Variants in SIPA1L1 observed in about 807,000 individuals in gnomAD.
SIPA1L1 encodes signal-induced proliferation-associated 1-like protein 1.
A neutral mutation model predicts 162.7 loss-of-function variants in SIPA1L1; 26 were observed. That is an observed-to-expected ratio of 0.16 (90% CI 0.12 to 0.22). SIPA1L1 has a LOEUF of 0.22. SIPA1L1 is among the 10% of genes least tolerant of loss of function. The pLI is 1.00. For synonymous variants in SIPA1L1, 829 were observed against 837.4 expected, an observed-to-expected ratio of 0.99 and a Z score of 0.17; for missense variants, 1,874 against 2,241.0, an observed-to-expected ratio of 0.84 and a Z score of 3.31.
chr14:71,438,919 G>A (rs1208870090), intron 2 of SIPA1L1, among the ~76,000 whole-genome samples: 1 of 152,176 alleles, frequency 6.6e-6, no homozygotes, highest in East Asian at 1.9e-4. Flanking sequence ...GCTGCTGGCA[G>A]TGAGAGAAGG....
chr14:71,591,778 CAT>C (rs1386282203), intron 5 of SIPA1L1, among the ~76,000 whole-genome samples: 1 of 152,086 alleles, frequency 6.6e-6, no homozygotes, highest in Non-Finnish European at 1.5e-5. Flanking sequence ...AGAATAAAAA[CAT>C]AGAGACTAAC....
intron 5 of SIPA1L1, chr14:71,598,210 C>G (rs575081402): frequency 1.0e-6 from 1 of 985,348 alleles, no homozygotes; most frequent in Non-Finnish European, 1.2e-6. Context: ...GCACAAAACG[C>G]CATCACAGAG....
intron 2 of SIPA1L1, among the ~76,000 whole-genome samples, chr14:71,510,125 A>G (rs1317122697): frequency 6.7e-6 from 1 of 150,100 alleles, no homozygotes; most frequent in Non-Finnish European, 1.5e-5. Context: ...TTCTCTTTAT[A>G]CAGCTTGCTT....
intron 5 of SIPA1L1, among the ~76,000 whole-genome samples, chr14:71,606,535 G>T (rs1361344390): frequency 6.6e-6 from 1 of 152,138 alleles, no homozygotes; most frequent in Non-Finnish European, 1.5e-5. Flanking sequence ...GGGTATGTTG[G>T]ACCAATTGTG....
At chr14:71,513,056 C>T (rs1343192611) in intron 3 of SIPA1L1, among the ~76,000 whole-genome samples, 3 of 152,192 alleles carry the variant, frequency 2.0e-5, no homozygotes, top group Non-Finnish European at 2.9e-5. Flanking sequence ...CTCGTGTCTC[C>T]CTAAAACTAA....
At chr14:71,703,444 CAG>C (rs770193360) in intron 15 of SIPA1L1, among the ~76,000 whole-genome samples, 15 of 152,154 alleles carry the variant, frequency 9.9e-5, no homozygotes, top group East Asian at 7.7e-4. Flanking sequence ...TCCACTAAGA[CAG>C]GGGTTGAGGA....
chr14:71,689,053 A>G (rs1057095658), intron 13 of SIPA1L1, among the ~76,000 whole-genome samples: 1 of 152,226 alleles, frequency 6.6e-6, no homozygotes, highest in African/African-American at 2.4e-5. Flanking sequence ...TTGTAGAAGC[A>G]TAGTTTTTCT....
chr14:71,533,626 G>A (rs2053639058), intron 4 of SIPA1L1, among the ~76,000 whole-genome samples: 1 of 152,206 alleles, frequency 6.6e-6, no homozygotes, highest in Non-Finnish European at 1.5e-5. Context: ...CTGCCATTTT[G>A]TGTCTGCGGT....
At chr14:71,596,735 TAA>T (rs1446986328) in intron 5 of SIPA1L1, among the ~76,000 whole-genome samples, 1 of 152,192 alleles carries the variant, frequency 6.6e-6, no homozygotes, top group African/African-American at 2.4e-5. Flanking sequence ...AGACGTTTTT[TAA>T]AAAGTCTTCT....
chr14:71,589,529 C>G (rs1433309188), intron 5 of SIPA1L1, among the ~76,000 whole-genome samples, 159 bp downstream of exon 5: 2 of 152,060 alleles, frequency 1.3e-5, no homozygotes, highest in East Asian at 3.9e-4. Context: ...CAATTTATTT[C>G]TTTTTGCATT....
intron 2 of SIPA1L1, chr14:71,418,046 C>T (rs2140484281): frequency 6.6e-6 from 1 of 152,304 alleles, no homozygotes; most frequent in African/African-American, 2.4e-5. Flanking sequence ...CTGACTCTTT[C>T]GTATTTACTA....
chr14:71,518,966 T>C (rs2052018942), intron 3 of SIPA1L1, among the ~76,000 whole-genome samples: 1 of 151,918 alleles, frequency 6.6e-6, no homozygotes. Context: ...ACCCATCAGA[T>C]CTCTTGAGAC....
chr14:71,329,738 A>G (rs1330812287), intron 2 of SIPA1L1, among the ~76,000 whole-genome samples: 2 of 152,178 alleles, frequency 1.3e-5, no homozygotes, highest in African/African-American at 2.4e-5. Flanking sequence ...GGCCATTTGT[A>G]TATTATCTCT....
chr14:71,462,697 A>G (rs1169351818), intron 2 of SIPA1L1, among the ~76,000 whole-genome samples: 1 of 152,194 alleles, frequency 6.6e-6, no homozygotes, highest in African/African-American at 2.4e-5. Context: ...TATCTCCCCA[A>G]TAAGTCCAGT....
chr14:71,732,697 G>A (rs190408220), intron 20 of SIPA1L1, among the ~76,000 whole-genome samples: 8 of 152,298 alleles, frequency 5.3e-5, no homozygotes, highest in East Asian at 1.9e-4. Flanking sequence ...AGAATAGCTC[G>A]TGTGATGACT....
chr14:71,647,122 C>T (rs1162858779), intron 7 of SIPA1L1, among the ~76,000 whole-genome samples: 1 of 152,126 alleles, frequency 6.6e-6, no homozygotes, highest in Non-Finnish European at 1.5e-5. Context: ...GAGTAGAAAT[C>T]AAGATACAGT....
At chr14:71,362,926 A>G (rs548576413) in intron 2 of SIPA1L1, among the ~76,000 whole-genome samples, 4 of 152,366 alleles carry the variant, frequency 2.6e-5, no homozygotes, top group African/African-American at 9.6e-5. Flanking sequence ...TGAATTCTCC[A>G]GACAGATTTC....
intron 12 of SIPA1L1, among the ~76,000 whole-genome samples, chr14:71,677,977 T>C (rs1399444926): frequency 1.3e-5 from 2 of 152,198 alleles, no homozygotes; most frequent in Non-Finnish European, 2.9e-5. Flanking sequence ...TGGTTCCATA[T>C]GAACTTGTAT....
chr14:71,648,590 A>G (rs1218892369), intron 7 of SIPA1L1, among the ~76,000 whole-genome samples: 1 of 152,230 alleles, frequency 6.6e-6, no homozygotes, highest in Non-Finnish European at 1.5e-5. Context: ...AATAAAATGT[A>G]TGACCCATAT....
Sources: allele counts gnomAD v4.1 joint callset (sites outside exome capture counted in the v4.1 genomes callset), GRCh38; gene constraint gnomAD v4.1.1; transcripts MANE v1.5; gene names NCBI Gene and HGNC (gene_info 2026-07-23, HGNC 2026-07-21).